The following C13orf46 variants were observed in gnomAD, a reference collection of about 807,000 sequenced individuals.
The protein encoded by C13orf46 is chromosome 13 open reading frame 46, also known as uncharacterized protein C13orf46.
chr13:113,931,139 G>A, the C13orf46 span, among the ~76,000 whole-genome samples: 4 of 152,322 alleles, frequency 2.6e-5, no homozygotes, highest in East Asian at 7.7e-4. Context: ...AGGCCGAGAC[G>A]CCAGACGTGA....
rs1204768273 is a variant in C13orf46, at chr13:113,960,078, T to G, written c.573-3239A>C. Among the ~76,000 whole-genome samples the G allele has an allele frequency of 3.3e-5, 5 of 151,954 alleles. No homozygotes were observed. The East Asian group carries it at 9.7e-4, about 29-fold the overall frequency. The stretch of plus-strand genomic sequence containing the variant: ...CCATCCTGGCTAACATGGTGAAACC[T>G]TGTCTCTACTAAAAATACAAAAAAA... On this transcript the variant is annotated intron_variant, in intron 6 of 6. Transcript: ENST00000636427.
chr13:113,950,104 C>A (rs1186017264), downstream of C13orf46, among the ~76,000 whole-genome samples: 5 of 82,170 alleles, frequency 6.1e-5, no homozygotes, highest in African/African-American at 2.5e-4. Context: ...GGGTCATCAC[C>A]CCCTGCCTCA....
chr13:113,965,642 T>G (rs2052628449), intron 5 of C13orf46, among the ~76,000 whole-genome samples: 1 of 151,534 alleles, frequency 6.6e-6, no homozygotes, highest in African/African-American at 2.4e-5. Context: ...ACAGTGATGA[T>G]GATTGTGACA....
Position 113,955,807 on chromosome 13 carries a change from CGGAGACGAGGAGCAGCCGGT to C in C13orf46, c.*946_*965del, listed in dbSNP as rs2052524928. The C allele has an allele frequency of 3.3e-4, 38 of 116,066 alleles. No individual in the cohort carries two copies. Among genetic ancestry groups the C allele is most frequent in the Non-Finnish European group, 4.6e-4 (25 of 54,336 alleles). The allele number at this position is 116,066 out of a possible 1,614,324, so 7.2% of individuals were successfully genotyped here. On this transcript the variant is annotated 3_prime_UTR_variant, in exon 7 of 7. Transcript: ENST00000636427. The stretch of plus-strand genomic sequence containing the variant: ...GCCGGCGGAGACGAGGAGCAGCCGG[CGGAGACGAGGAGCAGCCGGT>C]GGAGACGAGGAGCATCTCGAGGAGA...
the C13orf46 span, among the ~76,000 whole-genome samples, chr13:113,930,141 G>A: frequency 4.2e-4 from 64 of 152,362 alleles, no homozygotes; most frequent in African/African-American, 1.3e-3. Flanking sequence ...CACGAGGCTC[G>A]GAGGCCTCCA....
chr13:113,938,916 G>A, the C13orf46 span, among the ~76,000 whole-genome samples: 1 of 151,966 alleles, frequency 6.6e-6, no homozygotes, highest in African/African-American at 2.4e-5. Flanking sequence ...CTGGCCCCAG[G>A]AGGCTCAGGC....
chr13:113,959,700 A>G (rs1457851434), intron 6 of C13orf46, among the ~76,000 whole-genome samples: 1 of 152,258 alleles, frequency 6.6e-6, no homozygotes, highest in African/African-American at 2.4e-5. Context: ...AGCAAATTAT[A>G]TCAAGGAAAA....
At chr13:113,953,067 G>A (rs1045377495), downstream of C13orf46, among the ~76,000 whole-genome samples, 6 of 152,226 alleles carry the variant, frequency 3.9e-5, no homozygotes, top group South Asian at 6.2e-4. Flanking sequence ...CATCCTGGAC[G>A]CTGACTGCCG....
chr13:113,957,451 C>T (rs2052546923), intron 6 of C13orf46, among the ~76,000 whole-genome samples: 8 of 129,762 alleles, frequency 6.2e-5, no homozygotes, highest in South Asian at 2.9e-4. Flanking sequence ...CTGCACTCTG[C>T]CTGCACCCCC....
At chr13:113,931,207 C>T in the C13orf46 span, among the ~76,000 whole-genome samples, 1 of 152,246 alleles carries the variant, frequency 6.6e-6, no homozygotes, top group Non-Finnish European at 1.5e-5. Context: ...TGGTTTACCA[C>T]AGATGACTCA....
chr13:113,940,229 G>A, the C13orf46 span, among the ~76,000 whole-genome samples: 5 of 152,248 alleles, frequency 3.3e-5, no homozygotes, highest in Admixed American at 6.5e-5. Context: ...CCGTTTCCCC[G>A]GAAGCGAAGA....
the C13orf46 span, among the ~76,000 whole-genome samples, chr13:113,938,446 C>A: frequency 2.0e-5 from 3 of 152,192 alleles, no homozygotes; most frequent in Non-Finnish European, 4.4e-5. Context: ...GGCCCACGGC[C>A]CATCTTCAAA....
the C13orf46 span, among the ~76,000 whole-genome samples, chr13:113,930,321 A>AAGGAGCACCGGGGTGGGAGTGG: frequency 6.6e-6 from 1 of 152,106 alleles, no homozygotes; most frequent in South Asian, 2.1e-4. Context: ...GCAGAGGTGG[A>AAGGAGCACCGGGGTGGGAGTGG]AGGAGCACCG....
the C13orf46 span, among the ~76,000 whole-genome samples, chr13:113,932,408 G>T: frequency 1.3e-5 from 2 of 152,248 alleles, no homozygotes; most frequent in Non-Finnish European, 2.9e-5. Context: ...TTTTGAACAT[G>T]TTAGCCATGC....
chr13:113,944,527 G>C, the C13orf46 span, among the ~76,000 whole-genome samples: 1 of 139,462 alleles, frequency 7.2e-6, no homozygotes, highest in African/African-American at 2.7e-5. Context: ...GGTGTGTGAC[G>C]GGCCCTCCAG....
At chr13:113,937,221 C>T in the C13orf46 span, among the ~76,000 whole-genome samples, 22 of 152,170 alleles carry the variant, frequency 1.4e-4, no homozygotes, top group Non-Finnish European at 2.5e-4. Context: ...GGGTTCATGC[C>T]TGTGGCATCC....
At chr13:113,960,472 A>T (rs2138981847) in intron 6 of C13orf46, among the ~76,000 whole-genome samples, 1 of 152,288 alleles carries the variant, frequency 6.6e-6, no homozygotes, top group African/African-American at 2.4e-5. Flanking sequence ...TGTGGTTTGC[A>T]GGTCGTGCGT....
At chr13:113,960,179 C>T (rs1456137301) in intron 6 of C13orf46, among the ~76,000 whole-genome samples, 3 of 152,066 alleles carry the variant, frequency 2.0e-5, no homozygotes, top group Non-Finnish European at 4.4e-5. Context: ...TGGCGTGAAC[C>T]CAGGAGGCGG....
the C13orf46 span, among the ~76,000 whole-genome samples, chr13:113,944,529 G>GC: frequency 1.3e-5 from 2 of 152,002 alleles, no homozygotes; most frequent in Non-Finnish European, 2.9e-5. Context: ...TGTGTGACGG[G>GC]CCCTCCAGGT....
Sources: allele counts gnomAD v4.1 joint callset (sites outside exome capture counted in the v4.1 genomes callset), GRCh38; gene constraint gnomAD v4.1.1; transcripts MANE v1.5; gene names NCBI Gene and HGNC (gene_info 2026-07-23, HGNC 2026-07-21).